Variants in SOX5 observed in about 807,000 individuals in gnomAD.
The protein encoded by SOX5 is transcription factor SOX-5.
A neutral mutation model predicts 92.0 loss-of-function variants in SOX5; 9 were observed. That is an observed-to-expected ratio of 0.10 (90% confidence interval 0.06 to 0.17). The LOEUF (loss-of-function observed/expected upper bound fraction) is 0.17. Ranked by LOEUF, SOX5 falls within the 10% of genes least tolerant of loss-of-function variation. The pLI, the probability that SOX5 is intolerant of heterozygous loss-of-function variation, is 1.00. For missense variants in SOX5, 642 were observed against 944.5 expected (o/e 0.68, Z 4.20); for synonymous variants, 344 against 336.3 (o/e 1.02, Z -0.25).
At chr12:23,916,854 T>G (rs1183374932) in intron 1 of SOX5, among the ~76,000 whole-genome samples, 1 of 152,192 alleles carries the variant, frequency 6.6e-6, no homozygotes, top group Admixed American at 6.5e-5. Context: ...CATCTGGTGA[T>G]TACTGCCTAT....
chr12:23,887,327 G>C (rs2097078747), intron 2 of SOX5, among the ~76,000 whole-genome samples: 2 of 152,068 alleles, frequency 1.3e-5, no homozygotes, highest in African/African-American at 4.8e-5. Context: ...TTTTCTGATA[G>C]AGCCAAATTG....
rs2096590692 is a variant in SOX5 at position 23,847,747 on chromosome 12, A to G, written c.271-1554T>C. 2.0e-5 allele frequency among the ~76,000 whole-genome samples: 3 copies of G among 152,130 alleles called. No individual in the cohort carries two copies. In the South Asian group the frequency reaches 6.2e-4, roughly 31 times the overall value. ...CAAATGGCTTTCATTTCTCACAAAC[A>G]TTACAGAATATGCCTCTGACTAGCA... On this transcript the variant is annotated intron_variant, in intron 2 of 14. Transcript: ENST00000451604.
chr12:23,792,914 T>C (rs76173374), intron 3 of SOX5, among the ~76,000 whole-genome samples: 1,613 of 152,228 alleles, frequency 0.011, 25 homozygotes, highest in African/African-American at 0.036. Context: ...CTGTTCTCTG[T>C]CACTAAGTAG....
At chr12:23,970,841 A>ATATATATATATATATATTTTTTTTTTT in intron 4 of SOX5, among the ~76,000 whole-genome samples, 1 of 21,878 alleles carries the variant, frequency 4.6e-5, no homozygotes, top group East Asian at 8.6e-4. Flanking sequence ...TATATATATA[A>ATATATATATATATATATTTTTTTTTTT]TTTTTTTTTT....
At chr12:23,866,457 G>C (rs1034934192) in intron 2 of SOX5, among the ~76,000 whole-genome samples, 1 of 152,200 alleles carries the variant, frequency 6.6e-6, no homozygotes, top group Non-Finnish European at 1.5e-5. Context: ...GTAAGCCTCT[G>C]TCACTAGGAG....
Position 23,790,548 on chromosome 12 carries a change from TCACACACA to T in SOX5, c.482-34832_482-34825del, listed in dbSNP as rs941547453. On this transcript the variant is annotated intron_variant, in intron 3 of 14. Transcript: ENST00000451604. ...CTCTCTCTCTCTCTCTCTCAATCTCTCACACACACACACACACACACACACACACACGA... is the reference window on the plus strand; with the variant it reads ...CTCTCTCTCTCTCTCTCTCAATCTCTCACACACACACACACACACACACGA... Among the ~76,000 whole-genome samples the T allele has an allele frequency of 1.6e-4, 22 of 137,390 alleles. 1 individual carries two copies. Among genetic ancestry groups the T allele is most frequent in the Admixed American group, 1.2e-3 (17 of 13,826 alleles). 90.1% of individuals were successfully genotyped at this position (137,390 alleles called of 152,430 possible).
intron 6 of SOX5, among the ~76,000 whole-genome samples, chr12:23,702,751 AGTGTGTGT>A (rs144961077): frequency 3.3e-5 from 5 of 149,278 alleles, no homozygotes; most frequent in Non-Finnish European, 6.0e-5. Flanking sequence ...AGAAACAGAG[AGTGTGTGT>A]GTGTGTGTGT....
chr12:24,477,893 C>G (rs530639589), intron 1 of SOX5, among the ~76,000 whole-genome samples: 16 of 151,880 alleles, frequency 1.1e-4, no homozygotes, highest in Non-Finnish European at 1.5e-4. Flanking sequence ...TCTATTAAAA[C>G]AAAAAAGTTA....
intron 2 of SOX5, among the ~76,000 whole-genome samples, chr12:23,871,847 A>C (rs2096875689): frequency 6.6e-6 from 1 of 152,124 alleles, no homozygotes; most frequent in Non-Finnish European, 1.5e-5. Context: ...CTGTGCCTAC[A>C]GTTCTTAATG....
chr12:24,202,095 T>C (rs1957573774), intron 4 of SOX5, among the ~76,000 whole-genome samples: 1 of 152,210 alleles, frequency 6.6e-6, no homozygotes, highest in South Asian at 2.1e-4. Context: ...ATTTCTATGT[T>C]ATTGGCAAAT....
chr12:23,827,144 G>A (rs2135503571), intron 3 of SOX5, among the ~76,000 whole-genome samples: 1 of 152,150 alleles, frequency 6.6e-6, no homozygotes. Flanking sequence ...AGAACAAATG[G>A]TACATTTCTT....
intron 8 of SOX5, among the ~76,000 whole-genome samples, chr12:23,606,477 T>C (rs1566261524): frequency 6.6e-6 from 1 of 151,648 alleles, no homozygotes. Flanking sequence ...ATATCTGTGA[T>C]AAAGAAAATG....
intron 4 of SOX5, among the ~76,000 whole-genome samples, chr12:24,125,386 G>C (rs1181390636): frequency 1.3e-5 from 2 of 151,904 alleles, no homozygotes; most frequent in South Asian, 2.1e-4. Flanking sequence ...CTTTTCATTA[G>C]AAATAGCATG....
At chr12:24,163,452 C>A (rs1302432151) in intron 4 of SOX5, among the ~76,000 whole-genome samples, 1 of 150,478 alleles carries the variant, frequency 6.6e-6, no homozygotes, top group Non-Finnish European at 1.5e-5. Flanking sequence ...CAGCAAAGTT[C>A]TTTTTGTCTA....
intron 4 of SOX5, among the ~76,000 whole-genome samples, chr12:24,032,692 A>C (rs1424575802): frequency 6.6e-6 from 1 of 151,924 alleles, no homozygotes; most frequent in Admixed American, 6.6e-5. Flanking sequence ...TAAAACTACT[A>C]AACTCGGTGG....
intron 7 of SOX5, among the ~76,000 whole-genome samples, chr12:23,664,517 A>G (rs1254369511): frequency 6.6e-6 from 1 of 152,120 alleles, no homozygotes; most frequent in Non-Finnish European, 1.5e-5. Flanking sequence ...TTAGCAATCT[A>G]GCCCCTCTTT....
chr12:24,168,175 T>C (rs1254994133), intron 4 of SOX5, among the ~76,000 whole-genome samples: 1 of 152,206 alleles, frequency 6.6e-6, no homozygotes, highest in Admixed American at 6.6e-5. Context: ...TCTAAACTTG[T>C]AGAGTTAAAC....
chr12:23,714,104 A>C (rs7961877), intron 6 of SOX5, among the ~76,000 whole-genome samples: 1 of 151,788 alleles, frequency 6.6e-6, no homozygotes, highest in South Asian at 2.1e-4. Flanking sequence ...AAAAAAAAAA[A>C]AGAAAAGATT....
At chr12:24,007,905 A>T (rs1952496380) in intron 4 of SOX5, among the ~76,000 whole-genome samples, 1 of 151,098 alleles carries the variant, frequency 6.6e-6, no homozygotes, top group African/African-American at 2.4e-5. Context: ...ATTATTTCTG[A>T]ATTATTTTAT....
Sources: gnomAD v4.1 joint callset for allele counts (sites outside exome capture counted in the v4.1 genomes callset) on GRCh38, gnomAD v4.1.1 for gene constraint, MANE v1.5 for transcripts, NCBI Gene and HGNC (gene_info 2026-07-23, HGNC 2026-07-21) for gene names.